The following ST6GAL1 variants were observed in gnomAD, a reference collection of about 807,000 sequenced individuals.
The protein encoded by ST6GAL1 is ST6 beta-galactoside alpha-2,6-sialyltransferase 1, also known as beta-galactoside alpha-2,6-sialyltransferase 1.
In ST6GAL1, 20 loss-of-function variants were observed where a neutral mutation model predicts 38.0. The observed-to-expected ratio is 0.53, with a 90% CI of 0.37 to 0.77. ST6GAL1 has a LOEUF of 0.77. Among genes scored for constraint, ST6GAL1 ranks in the 30% least tolerant of loss-of-function variants. The pLI is 0.00. For synonymous variants in ST6GAL1, 196 were observed against 188.2 expected (o/e 1.04, Z -0.34); for missense variants, 432 against 496.4 (o/e 0.87, Z 1.23).
chr3:186,984,429 G>A (rs1050962203), intron 2 of ST6GAL1, among the ~76,000 whole-genome samples: 1 of 151,966 alleles, frequency 6.6e-6, no homozygotes, highest in Non-Finnish European at 1.5e-5. Context: ...GACCTCAAAG[G>A]CCCTGCCCAG....
chr3:187,023,918 C>T (rs1438644230), intron 2 of ST6GAL1, among the ~76,000 whole-genome samples: 3 of 151,336 alleles, frequency 2.0e-5, no homozygotes, highest in South Asian at 2.1e-4. Context: ...ATGAACCTAT[C>T]GCATGAGTAT....
chr3:187,017,640 C>A (rs192227817), intron 2 of ST6GAL1, among the ~76,000 whole-genome samples: 27 of 152,262 alleles, frequency 1.8e-4, no homozygotes, highest in Admixed American at 1.7e-3. Flanking sequence ...TTAAGACGAG[C>A]GAGGTAAACA....
At chr3:186,934,847 AG>A (rs1399299841) in intron 1 of ST6GAL1, among the ~76,000 whole-genome samples, 5 of 151,766 alleles carry the variant, frequency 3.3e-5, no homozygotes, top group Non-Finnish European at 7.4e-5. Context: ...GCTCACTGCA[AG>A]CTCCGCCTCC....
intron 2 of ST6GAL1, among the ~76,000 whole-genome samples, chr3:186,993,556 T>TTTCA (rs1553822879): frequency 2.3e-5 from 2 of 88,166 alleles, no homozygotes; most frequent in Non-Finnish European, 5.6e-5. Flanking sequence ...CTTGACAGAG[T>TTTCA]TTTATTTATT....
chr3:187,063,538 CTGTT>C (rs1718992108), intron 5 of ST6GAL1, among the ~76,000 whole-genome samples: 1 of 152,184 alleles, frequency 6.6e-6, no homozygotes, highest in South Asian at 2.1e-4. Context: ...AAACCAATCT[CTGTT>C]TGATACATGG....
chr3:187,046,425 G>A (rs1022263837), intron 4 of ST6GAL1, among the ~76,000 whole-genome samples: 6 of 152,190 alleles, frequency 3.9e-5, no homozygotes, highest in Admixed American at 2.0e-4. Flanking sequence ...AGAAGGATCA[G>A]ATATCGAGAT....
intron 2 of ST6GAL1, among the ~76,000 whole-genome samples, chr3:187,001,971 A>C (rs898439622): frequency 8.5e-5 from 12 of 140,424 alleles, no homozygotes; most frequent in South Asian, 2.2e-4. Flanking sequence ...AAAAAAAAAA[A>C]CCCAAAAACA....
At position 187,074,258 on chromosome 3, in the gene ST6GAL1, TG is replaced by T; in HGVS notation, c.907del (p.Glu303SerfsTer29). 6.2e-7 allele frequency: 1 copy of T among 1,612,328 alleles called. No individual in the cohort carries two copies. The highest frequency in any genetic ancestry group is 8.5e-7 in the Non-Finnish European group (1 of 1,179,282). ...TTACATCCTCAAGCCCCAGATGCCTTGGGAGCTATGGGACATTCTTCAAGAA... is the reference window on the plus strand; with the variant it reads ...TTACATCCTCAAGCCCCAGATGCCTTGGAGCTATGGGACATTCTTCAAGAA... ...PFYILKPQMP[W>X]ELWDILQEIS... On this transcript the variant is annotated frameshift_variant, in exon 7 of 8. Transcript: ENST00000169298. LOFTEE classifies it high-confidence loss of function.
chr3:186,951,216 C>A (rs1714565471), intron 1 of ST6GAL1, among the ~76,000 whole-genome samples: 1 of 152,080 alleles, frequency 6.6e-6, no homozygotes, highest in African/African-American at 2.4e-5. Context: ...CCAACGTGAC[C>A]CGCTCATTTT....
At chr3:186,934,917 C>A (rs1180531831) in intron 1 of ST6GAL1, among the ~76,000 whole-genome samples, 1 of 152,000 alleles carries the variant, frequency 6.6e-6, no homozygotes, top group Non-Finnish European at 1.5e-5. Context: ...CAGGTGCCCG[C>A]CACCACGCCC....
intron 2 of ST6GAL1, among the ~76,000 whole-genome samples, chr3:186,968,967 C>A (rs1715244720): frequency 6.6e-6 from 1 of 151,968 alleles, no homozygotes; most frequent in East Asian, 1.9e-4. Flanking sequence ...CAGCTGTGTA[C>A]TAGAATTCCA....
intron 5 of ST6GAL1, among the ~76,000 whole-genome samples, chr3:187,063,252 G>GC (rs1207866167): frequency 1.3e-5 from 2 of 152,214 alleles, no homozygotes; most frequent in Non-Finnish European, 2.9e-5. Context: ...ATGAACCCCA[G>GC]CAGGCGGGAG....
At chr3:187,013,079 C>G (rs1318590084) in intron 2 of ST6GAL1, among the ~76,000 whole-genome samples, 5 of 152,212 alleles carry the variant, frequency 3.3e-5, no homozygotes, top group African/African-American at 9.6e-5. Context: ...CTGTACCAGT[C>G]ACGAAGACTT....
intron 6 of ST6GAL1, 143 bp from the exon 7 acceptor site, chr3:187,074,016 C>A (rs945262534): frequency 1.5e-6 from 1 of 681,434 alleles, no homozygotes; most frequent in Non-Finnish European, 2.3e-6. Context: ...AACCTGTAGT[C>A]TGCTGCAAGA....
intron 2 of ST6GAL1, among the ~76,000 whole-genome samples, chr3:187,029,726 G>A (rs1717673550): frequency 6.6e-6 from 1 of 152,198 alleles, no homozygotes; most frequent in Non-Finnish European, 1.5e-5. Context: ...CTGGTGTGGA[G>A]CAGAACAGAG....
chr3:187,048,268 G>A (rs900207161), intron 4 of ST6GAL1, among the ~76,000 whole-genome samples: 11 of 152,044 alleles, frequency 7.2e-5, no homozygotes, highest in East Asian at 1.9e-4. Flanking sequence ...TTAGAATCAC[G>A]TCCAAACTTC....
At chr3:187,062,621 T>A (rs541241505) in intron 5 of ST6GAL1, among the ~76,000 whole-genome samples, 2 of 117,222 alleles carry the variant, frequency 1.7e-5, no homozygotes, top group Admixed American at 1.6e-4. Context: ...ACTATATGAA[T>A]GTGGTTGCCA....
rs140438545 is a variant in ST6GAL1 at position 187,042,935 on chromosome 3, C to T, written c.232C>T (p.Leu78Phe). 6 of 1,614,102 alleles carry T rather than the reference C, an allele frequency of 3.7e-6. No homozygotes were observed. Among genetic ancestry groups the T allele is most frequent in the East Asian group, 4.5e-5 (2 of 44,904 alleles). ...TQDPHRGRQT[L>F]GSLRGLAKAK... ...GGACCCCCACAGGGGCCGCCAGACC[C>T]TCGGCAGTCTCAGAGGCCTAGCCAA... The change falls in exon 4 of 8, where the codon CTC (leucine) becomes TTC (phenylalanine). Residue 78 changes from leucine (L) to phenylalanine (F), a missense_variant. Transcript: ENST00000169298.
At chr3:186,957,322 A>C (rs886601624) in intron 1 of ST6GAL1, among the ~76,000 whole-genome samples, 4 of 152,230 alleles carry the variant, frequency 2.6e-5, no homozygotes, top group Non-Finnish European at 2.9e-5. Flanking sequence ...GCACGCCTAT[A>C]GTTCCAGCAA....
Sources: gnomAD v4.1 joint callset for allele counts (sites outside exome capture counted in the v4.1 genomes callset) on GRCh38, gnomAD v4.1.1 for gene constraint, MANE v1.5 for transcripts, NCBI Gene and HGNC (gene_info 2026-07-23, HGNC 2026-07-21) for gene names.